CHN1: variants seen among roughly 807,000 people sequenced by gnomAD.
CHN1 encodes the protein chimerin 1, also known as N-chimaerin.
A neutral mutation model predicts 59.5 loss-of-function variants in CHN1; 37 were observed. The ratio of observed to expected loss-of-function variants is 0.62; its 90% confidence interval spans 0.48 to 0.82. CHN1 has a LOEUF of 0.82. Ranked by LOEUF, CHN1 falls within the 40% of genes least tolerant of loss-of-function variation. CHN1 has a pLI of 0.00. For missense variants in CHN1, 469 were observed against 571.0 expected (o/e 0.82, Z 1.82); for synonymous variants, 206 against 200.4 (o/e 1.03, Z -0.24).
intron 1 of CHN1, among the ~76,000 whole-genome samples, chr2:174,971,660 C>T (rs183080013): frequency 2.7e-4 from 40 of 150,780 alleles, no homozygotes; most frequent in Admixed American, 2.4e-3. Context: ...ATTACTAGTA[C>T]CATTTTATGC....
At chr2:174,836,090 A>G (rs371723326) in intron 7 of CHN1, among the ~76,000 whole-genome samples, 35 of 152,120 alleles carry the variant, frequency 2.3e-4, no homozygotes, top group African/African-American at 8.2e-4. Context: ...CACCTCCCCC[A>G]CGACCCCACC....
chr2:174,842,170 T>C (rs1558947851), intron 7 of CHN1, among the ~76,000 whole-genome samples: 1 of 152,158 alleles, frequency 6.6e-6, no homozygotes, highest in Non-Finnish European at 1.5e-5. Context: ...TATCAAATGC[T>C]TCTTGAGCAT....
intron 5 of CHN1, among the ~76,000 whole-genome samples, chr2:174,884,448 C>CA (rs1687833422): frequency 6.6e-6 from 1 of 152,158 alleles, no homozygotes; most frequent in African/African-American, 2.4e-5. Context: ...AATAAATCCT[C>CA]AGACTGGCAA....
At position 174,832,660 on chromosome 2, in the gene CHN1, TGGA is replaced by T. The variant is rs529384235; in HGVS notation, c.628-8145_628-8143del. Among the ~76,000 whole-genome samples, 79 of 152,254 alleles carry T rather than the reference TGGA, an allele frequency of 5.2e-4. No individual in the cohort carries two copies. In the South Asian group the frequency reaches 7.9e-3, roughly 15 times the overall value. On this transcript the variant is annotated intron_variant, in intron 7 of 12. Coordinates refer to ENST00000409900, the MANE Select transcript of CHN1 (RefSeq NM_001822.7). ...ATTTCAAATTTAATTCTGTTGTGGTTGGAGGATATGCTTTGTATGACTTTAACC... is the reference window on the plus strand; with the variant it reads ...ATTTCAAATTTAATTCTGTTGTGGTTGGATATGCTTTGTATGACTTTAACC...
intron 1 of CHN1, among the ~76,000 whole-genome samples, chr2:174,987,664 G>A (rs1691394155): frequency 6.6e-6 from 1 of 152,074 alleles, no homozygotes. Context: ...TCGAACTCCT[G>A]ATCTCATGAT....
intron 3 of CHN1, among the ~76,000 whole-genome samples, chr2:174,935,612 G>A (rs922527974): frequency 6.6e-6 from 1 of 152,030 alleles, no homozygotes; most frequent in African/African-American, 2.4e-5. Context: ...CTATAAGTAG[G>A]TCTTTAGAAA....
intron 5 of CHN1, among the ~76,000 whole-genome samples, chr2:174,901,352 C>T (rs1327266200): frequency 6.6e-6 from 1 of 152,208 alleles, no homozygotes; most frequent in African/African-American, 2.4e-5. Context: ...CTCACTCACT[C>T]TCTTTCCTTA....
intron 7 of CHN1, among the ~76,000 whole-genome samples, chr2:174,842,863 C>T (rs757865352): frequency 5.9e-5 from 9 of 152,144 alleles, no homozygotes; most frequent in Non-Finnish European, 1.3e-4. Context: ...TCACTGTTTG[C>T]CTGTTATCTT....
At chr2:174,989,954 T>A (rs1691481785) in intron 1 of CHN1, among the ~76,000 whole-genome samples, 1 of 152,312 alleles carries the variant, frequency 6.6e-6, no homozygotes. Context: ...AACACTGGAC[T>A]TTTTCTATTA....
intron 1 of CHN1, among the ~76,000 whole-genome samples, chr2:174,965,028 A>C (rs1690549543): frequency 6.6e-6 from 1 of 152,140 alleles, no homozygotes; most frequent in African/African-American, 2.4e-5. Flanking sequence ...CCTTTAGGCA[A>C]TGATTTTTAA....
intron 6 of CHN1, among the ~76,000 whole-genome samples, chr2:174,858,634 T>C (rs1047469418): frequency 2.0e-5 from 3 of 152,172 alleles, no homozygotes; most frequent in African/African-American, 7.2e-5. Context: ...TTTTATATCA[T>C]GTCCATAGCA....
intron 3 of CHN1, among the ~76,000 whole-genome samples, chr2:174,934,013 G>T (rs376823114): frequency 7.9e-5 from 12 of 152,112 alleles, no homozygotes; most frequent in African/African-American, 2.9e-4. Flanking sequence ...CAGAACAGTG[G>T]TCCCCAACCT....
intron 5 of CHN1, among the ~76,000 whole-genome samples, chr2:174,889,883 G>A (rs1004002154): frequency 6.7e-6 from 1 of 149,134 alleles, no homozygotes; most frequent in South Asian, 2.1e-4. Context: ...AAATAAATAT[G>A]TGTGTGTGTG....
intron 1 of CHN1, among the ~76,000 whole-genome samples, chr2:174,954,546 C>A (rs532132851): frequency 1.3e-5 from 2 of 151,954 alleles, no homozygotes; most frequent in Non-Finnish European, 1.5e-5. Context: ...TCTATACATC[C>A]GACAAAGGAC....
intron 1 of CHN1, among the ~76,000 whole-genome samples, chr2:174,991,134 C>CA (rs1691536012): frequency 6.6e-6 from 1 of 152,168 alleles, no homozygotes; most frequent in Admixed American, 6.5e-5. Flanking sequence ...CAGCAACCTT[C>CA]AAAACACAAG....
Position 174,989,973 on chromosome 2 carries a change from A to T in CHN1, c.19+14921T>A, listed in dbSNP as rs537881755. ...CTGGACTTTTTCTATTAAGATTTTG[A>T]TCAACCTTTAACTAAAAATTATTTC... On this transcript the variant is annotated intron_variant, in intron 1 of 12. Coordinates refer to ENST00000409900, the MANE Select transcript of CHN1 (RefSeq NM_001822.7). Among the ~76,000 whole-genome samples, 9 of 152,266 alleles carry T rather than the reference A, an allele frequency of 5.9e-5. No individual in the cohort carries two copies. In the South Asian group the frequency reaches 1.9e-3, roughly 32 times the overall value.
In CHN1 at chr2:174,799,212, T is replaced by C; in HGVS notation, c.*904A>G. On this transcript the variant is annotated 3_prime_UTR_variant, in exon 13 of 13. Coordinates refer to ENST00000409900, the MANE Select transcript of CHN1 (RefSeq NM_001822.7). Reference sequence around the variant, plus strand: ...ATTTTCTAGATTTCTGCCAGAGTAATATAAGAAGAAAAATAAATGGAATTA... The same window carrying C: ...ATTTTCTAGATTTCTGCCAGAGTAACATAAGAAGAAAAATAAATGGAATTA... The C allele has an allele frequency of 9.1e-6, 2 of 218,834 alleles. No homozygotes were observed. The highest frequency in any genetic ancestry group is 1.8e-5 in the Non-Finnish European group (2 of 108,270). 13.6% of individuals were successfully genotyped at this position (218,834 alleles called of 1,614,324 possible). A position where few individuals can be genotyped will look rare whatever the true frequency, so the allele number is the denominator to read the frequency against.
At position 174,950,330 on chromosome 2, in the gene CHN1, G is replaced by A. The variant is rs867339989; in HGVS notation, c.58+1834C>T. ...TGTCCAGGCTGGAGTGCAAAGGTGC[G>A]ATCTCAGCTCACTGTAGTCTCTGCC... On this transcript the variant is annotated intron_variant, in intron 2 of 12. Transcript: ENST00000409900. 4.0e-5 allele frequency among the ~76,000 whole-genome samples: 6 copies of A among 151,224 alleles called. No homozygotes were observed. In the East Asian group the frequency reaches 5.8e-4, roughly 15 times the overall value.
At chr2:174,851,731 G>A (rs1254681684) in intron 6 of CHN1, among the ~76,000 whole-genome samples, 1 of 152,146 alleles carries the variant, frequency 6.6e-6, no homozygotes, top group African/African-American at 2.4e-5. Context: ...TATAAAAACG[G>A]TAAGGAGGAA....
Sources: gnomAD v4.1 joint callset for allele counts (sites outside exome capture counted in the v4.1 genomes callset) on GRCh38, gnomAD v4.1.1 for gene constraint, MANE v1.5 for transcripts, NCBI Gene and HGNC (gene_info 2026-07-23, HGNC 2026-07-21) for gene names.